Variants in RBFOX1 observed in about 807,000 individuals in gnomAD.
RBFOX1 encodes the protein RNA binding fox-1 homolog 1.
RBFOX1 carries 8 observed loss-of-function variants against 57.7 expected under a neutral mutation model. That is an observed-to-expected ratio of 0.14 (90% CI 0.08 to 0.25). The LOEUF is 0.25. Among genes scored for constraint, RBFOX1 ranks in the 10% least tolerant of loss-of-function variants. The pLI, the probability that RBFOX1 is intolerant of heterozygous loss-of-function variation, is 1.00. For synonymous variants in RBFOX1, 326 were observed against 222.4 expected, an observed-to-expected ratio of 1.47 and a Z score of -4.15; for missense variants, 611 against 548.5, an observed-to-expected ratio of 1.11 and a Z score of -1.14.
At chr16:7,709,440 T>G in intron 15 of RBFOX1, 1 of 1,366,486 alleles carries the variant, frequency 7.3e-7, no homozygotes, top group Non-Finnish European at 9.6e-7. Context: ...GCAGTGTCAA[T>G]GCAGAACTTT....
At chr16:6,359,643 A>G (rs932368015) in intron 2 of RBFOX1, among the ~76,000 whole-genome samples, 1 of 152,206 alleles carries the variant, frequency 6.6e-6, no homozygotes, top group Admixed American at 6.5e-5. Flanking sequence ...ATGTCCTGCA[A>G]TGCTTTATTC....
intron 2 of RBFOX1, among the ~76,000 whole-genome samples, chr16:6,586,993 A>T (rs1302209891): frequency 1.3e-5 from 2 of 152,016 alleles, no homozygotes; most frequent in African/African-American, 2.4e-5. Context: ...TAATACATGC[A>T]TTACTTCCCC....
chr16:6,198,583 G>A (rs980123648), intron 1 of RBFOX1, among the ~76,000 whole-genome samples: 3 of 152,088 alleles, frequency 2.0e-5, no homozygotes, highest in African/African-American at 7.2e-5. Context: ...ACAAGAGATT[G>A]GATTAGATAA....
intron 4 of RBFOX1, among the ~76,000 whole-genome samples, chr16:5,932,800 C>T (rs1307430551): frequency 6.6e-6 from 1 of 152,076 alleles, no homozygotes; most frequent in Non-Finnish European, 1.5e-5. Context: ...TCCCACGTGA[C>T]CTCGGGTGCT....
intron 2 of RBFOX1, among the ~76,000 whole-genome samples, chr16:6,519,095 G>C (rs1451446884): frequency 1.3e-5 from 2 of 151,842 alleles, no homozygotes; most frequent in Non-Finnish European, 2.9e-5. Context: ...TATGCACAAA[G>C]TGGAAAGGCA....
intron 4 of RBFOX1, among the ~76,000 whole-genome samples, chr16:7,467,414 A>G (rs1414523374): frequency 1.3e-5 from 2 of 152,154 alleles, no homozygotes; most frequent in Non-Finnish European, 2.9e-5. Context: ...CACTTTGAAC[A>G]AAGAGGACAT....
chr16:6,579,610 C>G (rs974366249), intron 2 of RBFOX1, among the ~76,000 whole-genome samples: 1 of 152,148 alleles, frequency 6.6e-6, no homozygotes, highest in Non-Finnish European at 1.5e-5. Context: ...GTTTGCTTCC[C>G]CTTCCGCCAC....
intron 1 of RBFOX1, among the ~76,000 whole-genome samples, chr16:5,386,349 C>G (rs2066255660): frequency 6.6e-6 from 1 of 151,928 alleles, no homozygotes; most frequent in African/African-American, 2.4e-5. Flanking sequence ...AGCATTGCAT[C>G]TCAAAGGCCC....
intron 2 of RBFOX1, among the ~76,000 whole-genome samples, chr16:6,438,150 C>T (rs183382902): frequency 4.6e-5 from 7 of 152,208 alleles, no homozygotes; most frequent in Admixed American, 2.6e-4. Context: ...TTTTGTAAAC[C>T]GAAGTTGGAA....
chr16:7,510,520 C>T (rs879750583), intron 4 of RBFOX1, among the ~76,000 whole-genome samples: 10 of 136,962 alleles, frequency 7.3e-5, no homozygotes, highest in African/African-American at 2.8e-4. Flanking sequence ...TGGGCGCGCG[C>T]GCACGCGCGC....
At chr16:7,269,783 G>A (rs12448747) in intron 4 of RBFOX1, among the ~76,000 whole-genome samples, 52,592 of 152,000 alleles carry the variant, frequency 0.35, 11,071 homozygotes, top group African/African-American at 0.59. Flanking sequence ...AAAAAGTATT[G>A]TGTCAGGGTC....
At chr16:7,604,226 T>G (rs1411544949) in intron 9 of RBFOX1, among the ~76,000 whole-genome samples, 1 of 152,030 alleles carries the variant, frequency 6.6e-6, no homozygotes, top group Non-Finnish European at 1.5e-5. Flanking sequence ...AGAGGGAGAC[T>G]AGAAATTGGG....
chr16:7,046,371 C>G (rs572405437), intron 3 of RBFOX1, among the ~76,000 whole-genome samples: 3 of 152,120 alleles, frequency 2.0e-5, no homozygotes, highest in African/African-American at 7.2e-5. Context: ...TTCTCTCAGT[C>G]TACAAGACTC....
chr16:6,879,256 AATTT>A (rs1445381915), intron 3 of RBFOX1, among the ~76,000 whole-genome samples: 2 of 152,134 alleles, frequency 1.3e-5, no homozygotes, highest in Admixed American at 6.5e-5. Context: ...GCTTTCAGTG[AATTT>A]ATTTATCAGC....
intron 4 of RBFOX1, among the ~76,000 whole-genome samples, chr16:5,910,186 A>G (rs2058572070): frequency 6.6e-6 from 1 of 152,176 alleles, no homozygotes; most frequent in Non-Finnish European, 1.5e-5. Flanking sequence ...GCAGCCTAGA[A>G]TGGTCACCAA....
At chr16:7,128,209 G>A (rs1004763185) in intron 4 of RBFOX1, among the ~76,000 whole-genome samples, 6 of 152,120 alleles carry the variant, frequency 3.9e-5, no homozygotes, top group East Asian at 1.9e-4. Context: ...AAGAATAATA[G>A]CATGTATTAA....
intron 4 of RBFOX1, among the ~76,000 whole-genome samples, chr16:7,218,190 G>A (rs2092404757): frequency 6.6e-6 from 1 of 152,144 alleles, no homozygotes; most frequent in South Asian, 2.1e-4. Flanking sequence ...TGAGTAGGTG[G>A]GGAGTGAGTT....
At position 5,748,443 on chromosome 16, in the gene RBFOX1, C is replaced by T. The variant is rs578227416; in HGVS notation, c.319-118860C>T. On this transcript the variant is annotated intron_variant, in intron 3 of 19. Coordinates refer to the RBFOX1 transcript ENST00000641259. Reference sequence around the variant, plus strand: ...CCTGGATATCCTTGTTAACTTTCGTCTCGTGGATCTGTCTAATGTTGACAG... The same window carrying T: ...CCTGGATATCCTTGTTAACTTTCGTTTCGTGGATCTGTCTAATGTTGACAG... Among the ~76,000 whole-genome samples the T allele has an allele frequency of 7.9e-4, 120 of 152,270 alleles. 1 individual carries two copies. The highest frequency in any genetic ancestry group is 2.7e-3 in the African/African-American group (113 of 41,554).
intron 3 of RBFOX1, among the ~76,000 whole-genome samples, chr16:6,699,420 C>G (rs916637984): frequency 1.3e-5 from 2 of 151,894 alleles, no homozygotes; most frequent in South Asian, 2.1e-4. Flanking sequence ...CCAGACCATG[C>G]TGCGTGTCTT....
Sources: allele counts gnomAD v4.1 joint callset (sites outside exome capture counted in the v4.1 genomes callset), GRCh38; gene constraint gnomAD v4.1.1; transcripts MANE v1.5; gene names NCBI Gene and HGNC (gene_info 2026-07-23, HGNC 2026-07-21).